The following ZBTB7C variants were observed in gnomAD, a reference collection of about 807,000 sequenced individuals.
ZBTB7C encodes the protein zinc finger and BTB domain-containing protein 7C.
ZBTB7C carries 8 observed loss-of-function variants against 25.7 expected under a neutral mutation model. The observed-to-expected ratio is 0.31, with a 90% CI of 0.18 to 0.56. The LOEUF (loss-of-function observed/expected upper bound fraction) is 0.56. ZBTB7C is among the 20% of genes least tolerant of loss of function. ZBTB7C has a pLI of 0.91. For missense variants in ZBTB7C, 824 were observed against 855.2 expected, an observed-to-expected ratio of 0.96 and a Z score of 0.46; for synonymous variants, 394 against 369.0, an observed-to-expected ratio of 1.07 and a Z score of -0.78.
At chr18:48,372,134 C>A (rs1011280192) in intron 1 of ZBTB7C, among the ~76,000 whole-genome samples, 1 of 152,192 alleles carries the variant, frequency 6.6e-6, no homozygotes, top group East Asian at 1.9e-4. Context: ...TCTCCAAAGC[C>A]CCAGTGCTCA....
chr18:48,370,168 G>A (rs2047352545), intron 1 of ZBTB7C, among the ~76,000 whole-genome samples: 2 of 152,132 alleles, frequency 1.3e-5, no homozygotes, highest in Non-Finnish European at 2.9e-5. Flanking sequence ...GAGGAATCCA[G>A]ATGCCCTTCA....
chr18:48,276,529 C>T (rs1445625678), intron 2 of ZBTB7C, among the ~76,000 whole-genome samples: 1 of 120,430 alleles, frequency 8.3e-6, no homozygotes, highest in Non-Finnish European at 1.7e-5. Context: ...CAATTCCCAC[C>T]TATGAGTGAG....
chr18:48,050,956 G>A (rs1467977454), intron 3 of ZBTB7C, among the ~76,000 whole-genome samples: 2 of 152,066 alleles, frequency 1.3e-5, no homozygotes, highest in African/African-American at 2.4e-5. Flanking sequence ...TTTTGCCAAC[G>A]AGAAACCTAA....
At chr18:48,263,333 G>A (rs1266395498) in intron 2 of ZBTB7C, among the ~76,000 whole-genome samples, 1 of 152,230 alleles carries the variant, frequency 6.6e-6, no homozygotes, top group Non-Finnish European at 1.5e-5. Flanking sequence ...AGCAACTCGT[G>A]TGGGCAGGGA....
intron 2 of ZBTB7C, among the ~76,000 whole-genome samples, chr18:48,316,113 T>C (rs2045942028): frequency 6.6e-6 from 1 of 152,124 alleles, no homozygotes; most frequent in African/African-American, 2.4e-5. Flanking sequence ...CGGCTCCTGC[T>C]GGGCTTAAAA....
At chr18:48,397,021 G>T (rs2048043077) in intron 1 of ZBTB7C, among the ~76,000 whole-genome samples, 1 of 152,166 alleles carries the variant, frequency 6.6e-6, no homozygotes, top group South Asian at 2.1e-4. Flanking sequence ...TTCCTAAAAT[G>T]CCCTAAGAAG....
At chr18:48,030,953 C>T (rs1044149837) in intron 4 of ZBTB7C, among the ~76,000 whole-genome samples, 10 of 152,326 alleles carry the variant, frequency 6.6e-5, no homozygotes, top group African/African-American at 2.2e-4. Flanking sequence ...TGGGATAATT[C>T]GCAGCCTTCC....
chr18:48,044,469 G>A (rs1309809362), intron 3 of ZBTB7C, among the ~76,000 whole-genome samples: 1 of 152,258 alleles, frequency 6.6e-6, no homozygotes, highest in African/African-American at 2.4e-5. Context: ...TTGCATGCCA[G>A]CAGGCTCCTT....
rs182715462 is a variant in ZBTB7C at position 48,294,445 on chromosome 18, T to C, written c.-79+43729A>G. On this transcript the variant is annotated intron_variant, in intron 2 of 4. Transcript: ENST00000590800. ...ACAAGCCTCCAAATGTTGATCCCCT[T>C]GACAGGTGCCCCAGGCCAGCTCCTC... Among the ~76,000 whole-genome samples the C allele has an allele frequency of 1.3e-3, 201 of 152,072 alleles. 4 individuals are homozygous for C. Among genetic ancestry groups the C allele is most frequent in the Admixed American group, 0.012 (183 of 15,282 alleles).
chr18:48,151,888 C>T (rs960191399), intron 3 of ZBTB7C, among the ~76,000 whole-genome samples: 3 of 152,264 alleles, frequency 2.0e-5, no homozygotes, highest in East Asian at 1.9e-4. Context: ...ATTCCATACT[C>T]GCACTGTAGG....
intron 2 of ZBTB7C, among the ~76,000 whole-genome samples, chr18:48,320,275 G>A (rs1441424756): frequency 8.5e-5 from 13 of 152,214 alleles, no homozygotes; most frequent in Non-Finnish European, 1.9e-4. Context: ...TGGAGCGAGG[G>A]GGAAGTGGGT....
intron 4 of ZBTB7C, among the ~76,000 whole-genome samples, chr18:48,033,666 G>A (rs2035853162): frequency 1.3e-5 from 2 of 152,144 alleles, no homozygotes; most frequent in South Asian, 4.1e-4. Context: ...TGAGTCAGTG[G>A]GCCCAGTAAG....
intron 3 of ZBTB7C, chr18:48,165,167 C>T: frequency 7.8e-7 from 1 of 1,280,812 alleles, no homozygotes. Context: ...ATTTGCAGTC[C>T]AGGAAGGGGA....
intron 3 of ZBTB7C, among the ~76,000 whole-genome samples, chr18:48,168,137 A>C (rs2041333467): frequency 6.6e-6 from 1 of 152,214 alleles, no homozygotes; most frequent in Non-Finnish European, 1.5e-5. Flanking sequence ...CAAAGGGCAG[A>C]GCTTGGCAAG....
intron 2 of ZBTB7C, among the ~76,000 whole-genome samples, chr18:48,317,961 G>A (rs1027517942): frequency 2.4e-5 from 3 of 122,962 alleles, no homozygotes; most frequent in Non-Finnish European, 4.0e-5. Context: ...CCCCTCTGCT[G>A]GAGGACCCCT....
At chr18:48,237,707 T>C (rs1395496313) in intron 2 of ZBTB7C, among the ~76,000 whole-genome samples, 1 of 151,652 alleles carries the variant, frequency 6.6e-6, no homozygotes, top group Non-Finnish European at 1.5e-5. Context: ...AAGGTAGGCA[T>C]ACCCTATGAT....
chr18:48,363,296 C>A (rs1277823501), intron 1 of ZBTB7C, among the ~76,000 whole-genome samples: 1 of 152,016 alleles, frequency 6.6e-6, no homozygotes, highest in Non-Finnish European at 1.5e-5. Flanking sequence ...AGAAGGGAGG[C>A]CACTATCTAG....
chr18:48,196,468 G>T (rs2042320634), intron 2 of ZBTB7C, among the ~76,000 whole-genome samples: 2 of 152,314 alleles, frequency 1.3e-5, no homozygotes, highest in African/African-American at 4.8e-5. Context: ...TCAGGCATCT[G>T]CAGTAGGTTG....
intron 3 of ZBTB7C, among the ~76,000 whole-genome samples, chr18:48,099,622 A>AGT (rs1473374079): frequency 6.6e-6 from 1 of 152,224 alleles, no homozygotes; most frequent in Non-Finnish European, 1.5e-5. Flanking sequence ...TTGGTACTTA[A>AGT]GTGTGACTCC....
Sources: gnomAD v4.1 joint callset for allele counts (sites outside exome capture counted in the v4.1 genomes callset) on GRCh38, gnomAD v4.1.1 for gene constraint, MANE v1.5 for transcripts, NCBI Gene and HGNC (gene_info 2026-07-23, HGNC 2026-07-21) for gene names.